The following TTC29 variants were observed in gnomAD, a reference collection of about 807,000 sequenced individuals.
The protein encoded by TTC29 is tetratricopeptide repeat domain 29, also known as tetratricopeptide repeat protein 29.
Under a neutral mutation model 58.1 loss-of-function variants are expected in TTC29, and 49 were observed. The ratio of observed to expected loss-of-function variants is 0.84; its 90% CI spans 0.67 to 1.07. The LOEUF is 1.07. Among genes scored for constraint, TTC29 ranks in the 50% least tolerant of loss-of-function variants. The probability of loss-of-function intolerance (pLI) is 0.00; values close to 1 mark genes in which losing one functional copy is unlikely to be tolerated. For missense variants in TTC29, 582 were observed against 555.6 expected (o/e 1.05, Z -0.48); for synonymous variants, 209 against 196.8 (o/e 1.06, Z -0.52).
intron 8 of TTC29, among the ~76,000 whole-genome samples, chr4:146,838,375 T>A (rs1728643519): frequency 7.5e-6 from 1 of 134,176 alleles, no homozygotes; most frequent in Admixed American, 7.6e-5. Context: ...GAATATCAGA[T>A]TTAAGTCAAA....
chr4:146,867,542 C>T lies in TTC29; in HGVS notation c.841G>A (p.Gly281Ser). The T allele has an allele frequency of 6.4e-7, 1 of 1,555,336 alleles. No homozygotes were observed. The highest frequency in any genetic ancestry group is 2.4e-5 in the East Asian group (1 of 42,362). The change falls in exon 8 of 13, where the codon GGC becomes AGC. Residue 281 changes from glycine (G) to serine (S), a missense_variant. Transcript: ENST00000325106. The part of the protein sequence containing the change: ...KMEAEASYYL[G>S]LAHLAAEEYE... ...TCCTCAGCAGCTAAGTGTGCTAAGC[C>T]CAAGTAGTAAGAGGCTTCCGCTTCC...
rs1029208969 is a variant in TTC29 at position 146,933,691 on chromosome 4, A to AT, written c.176+3902dup. 5.9e-5 allele frequency among the ~76,000 whole-genome samples: 9 copies of AT among 152,178 alleles called. No homozygotes were observed. In the South Asian group the frequency reaches 1.2e-3, roughly 21 times the overall value. On this transcript the variant is annotated intron_variant, in intron 4 of 12. Transcript: ENST00000325106. ...ATGGAATGTGAATACAATGGATTTGATTTTTTTAAATGCACCTATAAGGCA... is the reference window on the plus strand; with the variant it reads ...ATGGAATGTGAATACAATGGATTTGATTTTTTTTAAATGCACCTATAAGGCA...
intron 11 of TTC29, among the ~76,000 whole-genome samples, chr4:146,715,336 A>G (rs946515513): frequency 1.3e-5 from 2 of 152,218 alleles, no homozygotes; most frequent in Middle Eastern, 3.2e-3. Flanking sequence ...CACTATCTAC[A>G]ATAGGTAAGA....
intron 7 of TTC29, among the ~76,000 whole-genome samples, chr4:146,870,456 C>G (rs1730858263): frequency 1.3e-5 from 2 of 151,506 alleles, no homozygotes; most frequent in Admixed American, 1.3e-4. Flanking sequence ...CAACTACACT[C>G]AAATCAAACA....
intron 4 of TTC29, among the ~76,000 whole-genome samples, chr4:146,921,194 T>C (rs1734555531): frequency 1.3e-5 from 2 of 151,394 alleles, no homozygotes; most frequent in Non-Finnish European, 3.0e-5. Context: ...TAAAATGCTT[T>C]GGCTAGAAAA....
intron 5 of TTC29, among the ~76,000 whole-genome samples, chr4:146,907,745 C>T (rs1307695853): frequency 6.6e-6 from 1 of 152,156 alleles, no homozygotes; most frequent in Non-Finnish European, 1.5e-5. Flanking sequence ...GGTGATCCAC[C>T]CGCCTTGGCC....
intron 8 of TTC29, 75 bp downstream of exon 8, chr4:146,867,423 A>G: frequency 1.4e-6 from 1 of 714,352 alleles, no homozygotes; most frequent in East Asian, 3.2e-5. Context: ...TTGGCCTTGT[A>G]ATAACATATA....
chr4:146,853,787 T>G (rs1251160224), intron 8 of TTC29, among the ~76,000 whole-genome samples: 1 of 152,186 alleles, frequency 6.6e-6, no homozygotes, highest in Non-Finnish European at 1.5e-5. Flanking sequence ...CTTATTTAAC[T>G]GCCGCAGCAA....
At chr4:146,708,634 C>A (rs532594211) in intron 11 of TTC29, among the ~76,000 whole-genome samples, 3 of 151,026 alleles carry the variant, frequency 2.0e-5, no homozygotes, top group South Asian at 4.2e-4. Flanking sequence ...AATAAGGTAC[C>A]GTTTATTCCT....
Position 146,833,261 on chromosome 4 carries a change from T to C in TTC29, c.977+545A>G, listed in dbSNP as rs578255482. Among the ~76,000 whole-genome samples the C allele has an allele frequency of 2.0e-5, 3 of 152,314 alleles. No homozygotes were observed. In the South Asian group the frequency reaches 6.2e-4, roughly 32 times the overall value. ...TGCAAGACAATGACTGAAGGGTGAA[T>C]GATATATCTTCCATGGAAAAACAGG... On this transcript the variant is annotated intron_variant, in intron 9 of 12. Coordinates refer to ENST00000325106, the MANE Select transcript of TTC29 (RefSeq NM_031956.4).
chr4:146,829,933 C>T (rs908254444), intron 9 of TTC29, among the ~76,000 whole-genome samples: 3 of 152,068 alleles, frequency 2.0e-5, no homozygotes, highest in Admixed American at 6.6e-5. Flanking sequence ...TGTAAATGAA[C>T]TACACTTCAG....
At chr4:146,921,179 C>T (rs1393786727) in intron 4 of TTC29, among the ~76,000 whole-genome samples, 2 of 151,322 alleles carry the variant, frequency 1.3e-5, no homozygotes, top group Non-Finnish European at 3.0e-5. Context: ...ACTTCCAGAA[C>T]ATAATAAAAT....
intron 11 of TTC29, among the ~76,000 whole-genome samples, chr4:146,714,691 C>T (rs947746962): frequency 6.6e-6 from 1 of 151,766 alleles, no homozygotes; most frequent in African/African-American, 2.4e-5. Context: ...TTCAGACAGA[C>T]AAAAGCTGAA....
At chr4:146,895,932 AT>A (rs921837448) in intron 6 of TTC29, among the ~76,000 whole-genome samples, 1 of 152,128 alleles carries the variant, frequency 6.6e-6, no homozygotes, top group African/African-American at 2.4e-5. Flanking sequence ...TTCTCAAAAA[AT>A]TTATTTTTAA....
intron 11 of TTC29, among the ~76,000 whole-genome samples, chr4:146,755,387 G>GAAGCACAA: frequency 6.6e-6 from 1 of 152,194 alleles, no homozygotes; most frequent in African/African-American, 2.4e-5. Flanking sequence ...AATTTGTGTG[G>GAAGCACAA]AAGCACAAAA....
chr4:146,856,983 C>T (rs1185464598), intron 8 of TTC29, among the ~76,000 whole-genome samples: 10 of 151,758 alleles, frequency 6.6e-5, no homozygotes, highest in Admixed American at 6.6e-4. Context: ...TTTTTATAAA[C>T]TACCTAAAAT....
chr4:146,789,124 C>T (rs778344740), intron 11 of TTC29, among the ~76,000 whole-genome samples: 6 of 152,126 alleles, frequency 3.9e-5, no homozygotes, highest in Non-Finnish European at 8.8e-5. Context: ...GTATGATTGA[C>T]ATGTAGTGAG....
chr4:146,853,180 C>T lies in TTC29; in HGVS notation c.885+14318G>A, dbSNP rs114264293. On this transcript the variant is annotated intron_variant, in intron 8 of 12. Coordinates refer to ENST00000325106, the MANE Select transcript of TTC29 (RefSeq NM_031956.4). ...TATTTTTTATTACAAAATCAATATA[C>T]GTTAATTGTAGAAAATGTTGAGAAT... 4.5e-3 allele frequency among the ~76,000 whole-genome samples: 685 copies of T among 151,926 alleles called. 6 individuals are homozygous for T. The highest frequency in any genetic ancestry group is 0.015 in the African/African-American group (635 of 41,466).
chr4:146,768,444 C>T (rs1324520786), intron 11 of TTC29, among the ~76,000 whole-genome samples: 1 of 151,898 alleles, frequency 6.6e-6, no homozygotes, highest in Non-Finnish European at 1.5e-5. Flanking sequence ...TAGTCAAAAC[C>T]GAAGTTGCTC....
Sources: gnomAD v4.1 joint callset for allele counts (sites outside exome capture counted in the v4.1 genomes callset) on GRCh38, gnomAD v4.1.1 for gene constraint, MANE v1.5 for transcripts, NCBI Gene and HGNC (gene_info 2026-07-23, HGNC 2026-07-21) for gene names.